The following ARHGAP11A variants were observed in gnomAD, a reference collection of about 807,000 sequenced individuals.
ARHGAP11A encodes the protein rho GTPase-activating protein 11A.
A neutral mutation model predicts 60.5 loss-of-function variants in ARHGAP11A; 36 were observed. The observed-to-expected ratio is 0.59, with a 90% CI of 0.46 to 0.79. ARHGAP11A has a LOEUF of 0.79. Ranked by LOEUF, ARHGAP11A falls within the 30% of genes least tolerant of loss-of-function variation. ARHGAP11A has a pLI of 0.00. For synonymous variants in ARHGAP11A, 362 were observed against 415.5 expected, an observed-to-expected ratio of 0.87 and a Z score of 1.57; for missense variants, 1,071 against 1,199.2, an observed-to-expected ratio of 0.89 and a Z score of 1.58.
chr15:32,626,012 G>T lies in ARHGAP11A; in HGVS notation c.862+379G>T, dbSNP rs550278827. ...GAAGAAAGGTTTGTGTAGGGAAGAA[G>T]TAACCTATGTCTAATGTAGATAGTG... On this transcript the variant is annotated intron_variant, in intron 6 of 11. Transcript: ENST00000361627. Among the ~76,000 whole-genome samples, 5 of 152,116 alleles carry T rather than the reference G, an allele frequency of 3.3e-5. No homozygotes were observed. In the South Asian group the frequency reaches 1.0e-3, roughly 32 times the overall value.
chr15:32,636,337 A>C lies in ARHGAP11A; in HGVS notation c.1564A>C (p.Thr522Pro), dbSNP rs2053712653. ...TGGAACAAATTACCGGATGTCTTGG[A>C]CAGGACCTAATAATTCAAGTTTTCA... is the stretch of plus-strand genomic sequence containing the variant. ...LVGTNYRMSW[T>P]GPNNSSFQEV... The change falls in exon 12 of 12, where the codon ACA becomes CCA. Residue 522 changes from threonine to proline, a missense_variant. This residue lies in a region of ARHGAP11A where 776 missense variants were observed against 760.2 expected (regional missense o/e 1.02). Coordinates refer to ENST00000361627, the MANE Select transcript of ARHGAP11A (RefSeq NM_014783.6). 1.2e-6 allele frequency: 2 copies of C among 1,613,932 alleles called. No homozygotes were observed. The highest frequency in any genetic ancestry group is 2.7e-5 in the African/African-American group (2 of 74,922).
rs1394354337 is a variant in ARHGAP11A at position 32,616,198 on chromosome 15, T to A, written c.-14T>A. On this transcript the variant is annotated 5_prime_UTR_variant, in exon 1 of 12. Coordinates refer to ENST00000361627, the MANE Select transcript of ARHGAP11A (RefSeq NM_014783.6). ...ACCTGCATCCTGCCTCAGAGAGTTA[T>A]CGACGTATCCGGAATGTGGGATCAG... 1.9e-6 allele frequency: 3 copies of A among 1,614,066 alleles called. No homozygotes were observed. Among genetic ancestry groups the A allele is most frequent in the Non-Finnish European group, 2.5e-6 (3 of 1,179,980 alleles).
chr15:32,623,569 T>C lies in ARHGAP11A; in HGVS notation c.278T>C (p.Ile93Thr). The change falls in exon 3 of 12, where the codon ATT (isoleucine) becomes ACT (threonine). Residue 93 changes from isoleucine (I) to threonine (T), a missense_variant. By Grantham distance (89) the Ile-to-Thr change is moderately conservative. Transcript: ENST00000361627. ...CTTTTTCGGAAATCAGGATCTGTGA[T>C]TCGCCTAAAAGCACTAAAGGTGAGC... ...EGLFRKSGSV[I>T]RLKALKNKVD... The C allele has an allele frequency of 6.2e-7, 1 of 1,614,160 alleles. No individual in the cohort carries two copies. Among genetic ancestry groups the C allele is most frequent in the Non-Finnish European group, 8.5e-7 (1 of 1,180,012 alleles).
In ARHGAP11A at chr15:32,615,900, G is replaced by T. The variant is rs962846699; in HGVS notation, c.-312G>T. ...TCTGGCAATAGACGAGAAACCGAAA[G>T]AATCAGAAAGAAGTCTATGTGAGTA... On this transcript the variant is annotated 5_prime_UTR_variant, in exon 1 of 12. Coordinates refer to ENST00000361627, the MANE Select transcript of ARHGAP11A (RefSeq NM_014783.6). The T allele has an allele frequency of 2.5e-6, 1 of 393,414 alleles. No homozygotes were observed. The highest frequency in any genetic ancestry group is 4.1e-5 in the East Asian group (1 of 24,366). The allele number at this position is 393,414 out of a possible 1,614,324, so 24.4% of individuals were successfully genotyped here. A position where few individuals can be genotyped will look rare whatever the true frequency, so the allele number is the denominator to read the frequency against.
At position 32,637,033 on chromosome 15, in the gene ARHGAP11A, C is replaced by G; in HGVS notation, c.2260C>G (p.His754Asp). The G allele has an allele frequency of 1.2e-6, 2 of 1,613,886 alleles. No individual in the cohort carries two copies. Among genetic ancestry groups the G allele is most frequent in the Non-Finnish European group, 1.7e-6 (2 of 1,179,994 alleles). Residue 754 changes from histidine (H) to aspartate (D), a missense_variant, in exon 12 of 12, where the codon CAT becomes GAT. By Grantham distance (81) the His-to-Asp change is moderately conservative (BLOSUM62 -1). Around this residue, in one of 4 missense-constraint regions of ARHGAP11A, gnomAD observed 776 missense variants for 760.2 expected, o/e 1.02. Coordinates refer to ENST00000361627, the MANE Select transcript of ARHGAP11A (RefSeq NM_014783.6). The stretch of plus-strand genomic sequence containing the variant: ...AGGTAACTTACCGAAGTGTGCAGCA[C>G]ATAGCAAGGACGAGGCTAGATCCTC... ...MEGNLPKCAA[H>D]SKDEARSSFS... is the part of the protein sequence containing the mutation.
intron 4 of ARHGAP11A, 69 bp downstream of exon 4, chr15:32,624,495 T>TA (rs1407380901): frequency 6.7e-7 from 1 of 1,488,782 alleles, no homozygotes; most frequent in Non-Finnish European, 9.1e-7. Flanking sequence ...TGCTTGTAGA[T>TA]ATGTACAATT....
Position 32,637,852 on chromosome 15 carries a change from A to G in ARHGAP11A, c.*7A>G, listed in dbSNP as rs775667880. 1.4e-5 allele frequency: 22 copies of G among 1,565,918 alleles called. No homozygotes were observed. The Admixed American group carries it at 4.3e-4, about 30-fold the overall frequency. ...TAAACCTGTAGATTTGTAATTGGTA[A>G]ATGTTATACTTGTCATTAATGTAAA... On this transcript the variant is annotated 3_prime_UTR_variant, in exon 12 of 12. Coordinates refer to ENST00000361627, the MANE Select transcript of ARHGAP11A (RefSeq NM_014783.6).
chr15:32,615,161 A>C (rs2053097340), upstream of ARHGAP11A: 2 of 152,140 alleles, frequency 1.3e-5, no homozygotes, highest in African/African-American at 2.4e-5. Flanking sequence ...GTTTCTTCAT[A>C]AGAGGGCCTT....
chr15:32,626,709 G>A (rs1444472844), intron 6 of ARHGAP11A, among the ~76,000 whole-genome samples: 3 of 152,254 alleles, frequency 2.0e-5, no homozygotes, highest in Middle Eastern at 3.2e-3. Context: ...TTGGCAGAAT[G>A]CCTGAAACCT....
intron 4 of ARHGAP11A, 87 bp downstream of exon 4, chr15:32,624,513 GA>G: frequency 4.1e-6 from 6 of 1,474,338 alleles, no homozygotes; most frequent in Non-Finnish European, 5.5e-6. Flanking sequence ...ATTTCATTTG[GA>G]ATGGAAATTT....
At chr15:32,622,217 A>G (rs184165506) in intron 2 of ARHGAP11A, among the ~76,000 whole-genome samples, 2,039 of 150,368 alleles carry the variant, frequency 0.014, no homozygotes, top group African/African-American at 0.049. Context: ...CAGGAGTTCA[A>G]GACAAGCCTG....
At chr15:32,616,385 C>T (rs2053146820) in intron 1 of ARHGAP11A, 45 bp downstream of exon 1, 1 of 1,611,030 alleles carries the variant, frequency 6.2e-7, no homozygotes, top group Non-Finnish European at 8.5e-7. Flanking sequence ...AAAGGGCACA[C>T]CCTTTATCAT....
chr15:32,619,088 T>C (rs2053236542), intron 1 of ARHGAP11A, among the ~76,000 whole-genome samples: 1 of 152,240 alleles, frequency 6.6e-6, no homozygotes, highest in South Asian at 2.1e-4. Flanking sequence ...TAAAATTTTG[T>C]TACTGTGTTG....
chr15:32,621,832 A>AG (rs1250938875), intron 2 of ARHGAP11A, among the ~76,000 whole-genome samples: 223 of 151,942 alleles, frequency 1.5e-3, no homozygotes, highest in African/African-American at 5.3e-3. Context: ...AAAAAAAAAA[A>AG]AAAAAAAGAA....
intron 8 of ARHGAP11A, among the ~76,000 whole-genome samples, chr15:32,631,822 T>C (rs1159168200): frequency 6.6e-6 from 1 of 151,720 alleles, no homozygotes; most frequent in African/African-American, 2.4e-5. Context: ...ATTACAGGCA[T>C]GCACCACCAC....
At chr15:32,617,471 C>T (rs1435996478) in intron 1 of ARHGAP11A, among the ~76,000 whole-genome samples, 15 of 101,990 alleles carry the variant, frequency 1.5e-4, no homozygotes, top group Non-Finnish European at 1.2e-4. Flanking sequence ...TTTTCTTTTC[C>T]TTTTTTTTTT....
chr15:32,621,251 C>T (rs1319872999), intron 2 of ARHGAP11A, among the ~76,000 whole-genome samples: 32 of 128,812 alleles, frequency 2.5e-4, no homozygotes, highest in African/African-American at 8.8e-4. Flanking sequence ...AGTGCAATGG[C>T]GTGAGCTCGG....
Position 32,635,849 on chromosome 15 carries a change from CGAATT to C in ARHGAP11A, c.1422_1426del (p.Glu475CysfsTer8). 6.2e-7 allele frequency: 1 copy of C among 1,609,576 alleles called. No individual in the cohort carries two copies. Among genetic ancestry groups the C allele is most frequent in the Non-Finnish European group, 8.5e-7 (1 of 1,178,548 alleles). On this transcript the variant is annotated frameshift_variant, in exon 11 of 12. Coordinates refer to ENST00000361627, the MANE Select transcript of ARHGAP11A (RefSeq NM_014783.6). LOFTEE classifies it high-confidence loss of function. Reference sequence around the variant, plus strand: ...TGCAAATCAACAAAGTTTAAAAAATCGAATTGAATCTGTAAAAACAGGTTTGCTTT... The same window carrying C: ...TGCAAATCAACAAAGTTTAAAAAATCGAATCTGTAAAAACAGGTTTGCTTT...
At chr15:32,627,557 G>A (rs1232706812) in intron 6 of ARHGAP11A, among the ~76,000 whole-genome samples, 8 of 151,914 alleles carry the variant, frequency 5.3e-5, no homozygotes, top group South Asian at 2.1e-4. Context: ...GTGAAACCCC[G>A]TCTCTACTAA....
Sources: gnomAD v4.1 joint callset for allele counts (sites outside exome capture counted in the v4.1 genomes callset) on GRCh38, gnomAD v4.1.1 for gene constraint, gnomAD v4.1.1 regional missense constraint, MANE v1.5 for transcripts, NCBI Gene and HGNC (gene_info 2026-07-23, HGNC 2026-07-21) for gene names.